TMEM272: variants seen among roughly 807,000 people sequenced by gnomAD.
The protein encoded by TMEM272 is long intergenic non-protein coding RNA 282.
Under a neutral mutation model 3.7 loss-of-function variants are expected in TMEM272, and 8 were observed. The ratio of observed to expected loss-of-function variants is 2.17; its 90% CI spans 1.27 to 3.91. TMEM272 has a LOEUF of 3.91. Among genes scored for constraint, TMEM272 ranks in the 30% most tolerant of loss-of-function variants. TMEM272 has a pLI of 0.00. For synonymous variants in TMEM272, 63 were observed against 39.8 expected, an observed-to-expected ratio of 1.58 and a Z score of -2.20; for missense variants, 166 against 91.5, an observed-to-expected ratio of 1.81 and a Z score of -3.32.
chr13:51,909,187 C>G, the TMEM272 span: 2 of 1,345,216 alleles, frequency 1.5e-6, no homozygotes, highest in Non-Finnish European at 2.1e-6. Context: ...CTTTTGTGAG[C>G]ATTTTCTTTC....
the TMEM272 span, among the ~76,000 whole-genome samples, chr13:51,904,134 T>G: frequency 7.2e-5 from 11 of 152,260 alleles, no homozygotes. Flanking sequence ...TCATTCACCA[T>G]CAGCATCAGA....
intron 2 of TMEM272, among the ~76,000 whole-genome samples, chr13:51,827,758 C>T (rs557610524): frequency 1.3e-5 from 2 of 152,208 alleles, no homozygotes; most frequent in East Asian, 3.9e-4. Flanking sequence ...TCTGCTGTGC[C>T]GTTTATGTGC....
At chr13:51,864,111 CCCTCT>C in the TMEM272 span, among the ~76,000 whole-genome samples, 3 of 151,602 alleles carry the variant, frequency 2.0e-5, no homozygotes, top group Non-Finnish European at 4.4e-5. Flanking sequence ...TTCCTTCCCT[CCCTCT>C]CTTTTTCTTT....
the TMEM272 span, among the ~76,000 whole-genome samples, chr13:51,871,023 C>T: frequency 1.1e-4 from 17 of 151,974 alleles, no homozygotes; most frequent in African/African-American, 3.6e-4. Flanking sequence ...TGAGACCTTC[C>T]TCCTCCCCAA....
chr13:51,813,908 A>G lies in TMEM272; in HGVS notation c.*2843T>C, dbSNP rs539880765. ...CTCTGCCACATAATTTGTTCCCTTG[A>G]GGTTTCATAGCATCCAGAAAGTTCA... On this transcript the variant is annotated 3_prime_UTR_variant, in exon 5 of 5. Coordinates refer to ENST00000629372, the MANE Select transcript of TMEM272 (RefSeq NM_001351003.2). The G allele has an allele frequency of 6.6e-6, 1 of 152,354 alleles. No homozygotes were observed. Among genetic ancestry groups the G allele is most frequent in the East Asian group, 1.9e-4 (1 of 5,190 alleles). 9.4% of individuals were successfully genotyped at this position (152,354 alleles called of 1,614,324 possible).
Position 51,813,910 on chromosome 13 carries a change from GT to G in TMEM272, c.*2840del, listed in dbSNP as rs1301650295. 9 of 152,314 alleles carry G rather than the reference GT, an allele frequency of 5.9e-5. No individual in the cohort carries two copies. The highest frequency in any genetic ancestry group is 2.2e-4 in the African/African-American group (9 of 41,568). 9.4% of individuals were successfully genotyped at this position (152,314 alleles called of 1,614,324 possible). A position where few individuals can be genotyped will look rare whatever the true frequency, so the allele number is the denominator to read the frequency against. ...CTGCCACATAATTTGTTCCCTTGAGGTTTCATAGCATCCAGAAAGTTCAGGT... is the reference window on the plus strand; with the variant it reads ...CTGCCACATAATTTGTTCCCTTGAGGTTCATAGCATCCAGAAAGTTCAGGT... On this transcript the variant is annotated 3_prime_UTR_variant, in exon 5 of 5. Coordinates refer to ENST00000629372, the MANE Select transcript of TMEM272 (RefSeq NM_001351003.2).
At chr13:51,911,921 C>T in the TMEM272 span, among the ~76,000 whole-genome samples, 6 of 151,492 alleles carry the variant, frequency 4.0e-5, no homozygotes, top group African/African-American at 1.2e-4. Context: ...TCCCTGAACA[C>T]AACAAGCCCA....
the TMEM272 span, among the ~76,000 whole-genome samples, chr13:51,874,931 C>T: frequency 1.3e-5 from 2 of 152,160 alleles, no homozygotes; most frequent in African/African-American, 4.8e-5. Flanking sequence ...GGTTGGATTG[C>T]TAGGGGCGGT....
chr13:51,835,522 C>T (rs976045011), intron 2 of TMEM272, among the ~76,000 whole-genome samples: 2 of 152,070 alleles, frequency 1.3e-5, no homozygotes, highest in Admixed American at 1.3e-4. Flanking sequence ...CTGCACCCGG[C>T]CAAAACTTTT....
intron 2 of TMEM272, among the ~76,000 whole-genome samples, chr13:51,836,663 C>T (rs1956219092): frequency 6.6e-6 from 1 of 152,198 alleles, no homozygotes; most frequent in African/African-American, 2.4e-5. Flanking sequence ...TTATTCCTCC[C>T]TTGCAACCAA....
At chr13:51,904,184 A>G in the TMEM272 span, among the ~76,000 whole-genome samples, 18 of 152,210 alleles carry the variant, frequency 1.2e-4, no homozygotes, top group East Asian at 3.3e-3. Context: ...CCTGCTTTGC[A>G]GTGATGATGA....
At chr13:51,837,689 C>A (rs1956227617) in intron 2 of TMEM272, among the ~76,000 whole-genome samples, 1 of 152,222 alleles carries the variant, frequency 6.6e-6, no homozygotes. Context: ...TGCAGCAGTG[C>A]AGGAAACGTC....
At chr13:51,925,181 G>A in the TMEM272 span, among the ~76,000 whole-genome samples, 4 of 152,140 alleles carry the variant, frequency 2.6e-5, no homozygotes, top group Admixed American at 1.3e-4. Context: ...CACTGCCTTC[G>A]TCTAGGCACC....
the TMEM272 span, chr13:51,865,391 C>T: frequency 1.3e-6 from 2 of 1,595,904 alleles, no homozygotes; most frequent in Non-Finnish European, 1.7e-6. Context: ...GGCCACCCCG[C>T]CATTCCGGCT....
At chr13:51,829,256 A>G (rs1009530352) in intron 2 of TMEM272, among the ~76,000 whole-genome samples, 4 of 152,238 alleles carry the variant, frequency 2.6e-5, no homozygotes, top group Non-Finnish European at 5.9e-5. Context: ...ATATATACTA[A>G]TAATTACACA....
At chr13:51,870,729 T>C in the TMEM272 span, among the ~76,000 whole-genome samples, 1 of 152,196 alleles carries the variant, frequency 6.6e-6, no homozygotes, top group Non-Finnish European at 1.5e-5. Context: ...ACCCAACTTA[T>C]ACTACAGAGC....
At position 51,818,358 on chromosome 13, in the gene TMEM272, T is replaced by A. The variant is rs191721115; in HGVS notation, c.202-1245A>T. Among the ~76,000 whole-genome samples the A allele has an allele frequency of 3.3e-5, 5 of 152,250 alleles. No individual in the cohort carries two copies. In the East Asian group the frequency reaches 9.6e-4, roughly 29 times the overall value. On this transcript the variant is annotated intron_variant, in intron 4 of 4. Coordinates refer to ENST00000629372, the MANE Select transcript of TMEM272 (RefSeq NM_001351003.2). The stretch of plus-strand genomic sequence containing the variant: ...AGCTGTGCCTTGGGTAGGTGATAAC[T>A]CCAGATTTGGACTTGTTCCATTTAA...
Position 51,822,700 on chromosome 13 carries a change from G to A in TMEM272, c.119-563C>T, listed in dbSNP as rs1406135321. Among the ~76,000 whole-genome samples, 6 of 152,236 alleles carry A rather than the reference G, an allele frequency of 3.9e-5. No individual in the cohort carries two copies. The South Asian group carries it at 6.2e-4, about 16-fold the overall frequency. ...ATGATAACCATTGACCATGCCACTC[G>A]CTGGACCCCATGCTGGGAAACACGC... On this transcript the variant is annotated intron_variant, in intron 3 of 4. Coordinates refer to ENST00000629372, the MANE Select transcript of TMEM272 (RefSeq NM_001351003.2).
chr13:51,900,492 T>C, the TMEM272 span, among the ~76,000 whole-genome samples: 1 of 152,100 alleles, frequency 6.6e-6, no homozygotes, highest in Non-Finnish European at 1.5e-5. Flanking sequence ...TGTGGAGAAA[T>C]TGGAACTCTC....
Sources: allele counts gnomAD v4.1 joint callset (sites outside exome capture counted in the v4.1 genomes callset), GRCh38; gene constraint gnomAD v4.1.1; transcripts MANE v1.5; gene names NCBI Gene and HGNC (gene_info 2026-07-23, HGNC 2026-07-21).